The following SH3GL2 variants were observed in gnomAD, a reference collection of about 807,000 sequenced individuals.
SH3GL2 encodes the protein SH3 domain containing GRB2 like 2, endophilin A1, also known as endophilin-A1.
Under a neutral mutation model 46.0 loss-of-function variants are expected in SH3GL2, and 24 were observed. The observed-to-expected ratio is 0.52, with a 90% CI of 0.38 to 0.73. The LOEUF (loss-of-function observed/expected upper bound fraction) is 0.73. Among genes scored for constraint, SH3GL2 ranks in the 30% least tolerant of loss-of-function variants. The pLI, the probability that SH3GL2 is intolerant of heterozygous loss-of-function variation, is 0.00. For synonymous variants in SH3GL2, 196 were observed against 147.1 expected (o/e 1.33, Z -2.40); for missense variants, 413 against 424.2 (o/e 0.97, Z 0.23).
chr9:17,747,039 A>G, intron 1 of SH3GL2, 27 bp from the exon 2 acceptor site: 1 of 1,489,762 alleles, frequency 6.7e-7, no homozygotes, highest in African/African-American at 1.4e-5. Context: ...GTTTATAATA[A>G]TTCTCCTTTG....
intron 2 of SH3GL2, among the ~76,000 whole-genome samples, chr9:17,752,141 C>G (rs1279407051): frequency 1.3e-5 from 2 of 152,072 alleles, no homozygotes; most frequent in East Asian, 1.9e-4. Flanking sequence ...TGCTTTAAAT[C>G]AAAGCAGCTT....
intron 3 of SH3GL2, among the ~76,000 whole-genome samples, chr9:17,764,149 C>T (rs73422301): frequency 0.037 from 5,653 of 152,180 alleles, 354 homozygotes; most frequent in African/African-American, 0.13. Context: ...ACAGGCAATT[C>T]GAGGTTGGTT....
intron 1 of SH3GL2, among the ~76,000 whole-genome samples, chr9:17,729,967 A>G (rs926680896): frequency 7.2e-6 from 1 of 138,224 alleles, no homozygotes; most frequent in African/African-American, 3.0e-5. Flanking sequence ...TCCATATGAC[A>G]TTTAAAGTAG....
intron 1 of SH3GL2, among the ~76,000 whole-genome samples, chr9:17,732,619 A>G (rs1822215101): frequency 6.6e-6 from 1 of 152,120 alleles, no homozygotes; most frequent in African/African-American, 2.4e-5. Context: ...ATGGGAGCAC[A>G]GAGGGGTTTG....
At chr9:17,791,367 A>T in intron 7 of SH3GL2, 33 bp downstream of exon 7, 1 of 1,316,588 alleles carries the variant, frequency 7.6e-7, no homozygotes, top group Non-Finnish European at 1.1e-6. Flanking sequence ...TCACATTTGC[A>T]TTTTATTGCT....
At chr9:17,596,757 G>A (rs1818578500) in intron 1 of SH3GL2, among the ~76,000 whole-genome samples, 1 of 152,160 alleles carries the variant, frequency 6.6e-6, no homozygotes, top group African/African-American at 2.4e-5. Context: ...ATTCTTCTCA[G>A]CAACCCAAAC....
chr9:17,681,336 T>A (rs2118045070), intron 1 of SH3GL2, among the ~76,000 whole-genome samples: 1 of 152,306 alleles, frequency 6.6e-6, no homozygotes, highest in South Asian at 2.1e-4. Context: ...ATGCTTGTCC[T>A]TTTTTGTTCT....
In SH3GL2 at chr9:17,638,797, C is replaced by G. The variant is rs188372172; in HGVS notation, c.45+59510C>G. 1.9e-4 allele frequency among the ~76,000 whole-genome samples: 29 copies of G among 152,278 alleles called. No individual in the cohort carries two copies. The East Asian group carries it at 3.1e-3, about 16-fold the overall frequency. ...TCAACAGAGGGTCCTTACCACCCAC[C>G]CCTCCTTGATGTCTTATAAGCTGAT... On this transcript the variant is annotated intron_variant, in intron 1 of 8. Coordinates refer to ENST00000380607, the MANE Select transcript of SH3GL2 (RefSeq NM_003026.5).
chr9:17,752,227 G>A (rs1011480408), intron 2 of SH3GL2, among the ~76,000 whole-genome samples: 3 of 152,046 alleles, frequency 2.0e-5, no homozygotes, highest in Admixed American at 6.5e-5. Flanking sequence ...CCTGTATCTC[G>A]CTGCCAGACA....
chr9:17,787,338 C>T (rs1380033537), intron 4 of SH3GL2, 42 bp from the exon 5 acceptor site: 3 of 1,580,096 alleles, frequency 1.9e-6, no homozygotes, highest in South Asian at 1.1e-5. Flanking sequence ...GAGTGCATTT[C>T]ATCTTTATTC....
chr9:17,784,474 T>C (rs1588333724), intron 3 of SH3GL2, among the ~76,000 whole-genome samples: 1 of 152,298 alleles, frequency 6.6e-6, no homozygotes, highest in East Asian at 1.9e-4. Context: ...TCATTCTGTG[T>C]GTTTTAGGTG....
At chr9:17,631,751 A>G (rs1408404110) in intron 1 of SH3GL2, among the ~76,000 whole-genome samples, 2 of 152,120 alleles carry the variant, frequency 1.3e-5, no homozygotes, top group Non-Finnish European at 2.9e-5. Flanking sequence ...AATTTACTAT[A>G]CTTTTTCTGA....
chr9:17,675,272 G>T (rs1161909370), intron 1 of SH3GL2, among the ~76,000 whole-genome samples: 2 of 152,042 alleles, frequency 1.3e-5, no homozygotes, highest in Non-Finnish European at 1.5e-5. Flanking sequence ...TTAAAATTTG[G>T]CGGGTTTTAA....
intron 3 of SH3GL2, among the ~76,000 whole-genome samples, chr9:17,785,653 G>C (rs1207050523): frequency 6.6e-6 from 1 of 152,042 alleles, no homozygotes; most frequent in East Asian, 1.9e-4. Flanking sequence ...TTTTAATAAA[G>C]CTGTTTTTGC....
intron 1 of SH3GL2, among the ~76,000 whole-genome samples, chr9:17,742,378 C>G (rs922786238): frequency 6.6e-6 from 1 of 152,136 alleles, no homozygotes. Context: ...CTGTCGCTGG[C>G]TGGTGGTCCT....
intron 1 of SH3GL2, chr9:17,590,615 A>G (rs1818463454): frequency 6.6e-6 from 1 of 152,096 alleles, no homozygotes; most frequent in African/African-American, 2.4e-5. Context: ...ACCCAGTCCA[A>G]ATTTTGCAGA....
intron 1 of SH3GL2, among the ~76,000 whole-genome samples, chr9:17,637,739 C>CT (rs1480592395): frequency 2.0e-5 from 3 of 152,184 alleles, no homozygotes; most frequent in Non-Finnish European, 4.4e-5. Context: ...TCAGAACAAC[C>CT]TAAGTGGGTG....
chr9:17,646,808 C>T (rs747695244), intron 1 of SH3GL2, among the ~76,000 whole-genome samples: 3 of 152,174 alleles, frequency 2.0e-5, no homozygotes, highest in East Asian at 3.9e-4. Context: ...AGATGTCTGT[C>T]GACCCCTGCT....
intron 1 of SH3GL2, among the ~76,000 whole-genome samples, chr9:17,697,158 T>C (rs143454774): frequency 1.5e-3 from 223 of 152,170 alleles, no homozygotes; most frequent in African/African-American, 5.0e-3. Context: ...AACAAACATA[T>C]AGTCTGCTTT....
Sources: gnomAD v4.1 joint callset for allele counts (sites outside exome capture counted in the v4.1 genomes callset) on GRCh38, gnomAD v4.1.1 for gene constraint, MANE v1.5 for transcripts, NCBI Gene and HGNC (gene_info 2026-07-23, HGNC 2026-07-21) for gene names.